Variants in CNTNAP2 observed in about 807,000 individuals in gnomAD.
CNTNAP2 encodes the protein contactin-associated protein-like 2.
CNTNAP2 carries 98 observed loss-of-function variants against 155.2 expected under a neutral mutation model. That is an observed-to-expected ratio of 0.63 (90% CI 0.54 to 0.75). The LOEUF (loss-of-function observed/expected upper bound fraction) is 0.75. CNTNAP2 is among the 30% of genes least tolerant of loss of function. The pLI, the probability that CNTNAP2 is intolerant of heterozygous loss-of-function variation, is 0.00. For synonymous variants in CNTNAP2, 651 were observed against 631.2 expected, an observed-to-expected ratio of 1.03 and a Z score of -0.47; for missense variants, 1,727 against 1,688.1, an observed-to-expected ratio of 1.02 and a Z score of -0.40.
intron 15 of CNTNAP2, among the ~76,000 whole-genome samples, chr7:148,066,418 G>A (rs1803263808): frequency 6.6e-6 from 1 of 152,140 alleles, no homozygotes; most frequent in Admixed American, 6.6e-5. Flanking sequence ...GGGAACACCA[G>A]TTATTCTTAG....
chr7:147,713,810 T>C (rs1796439659), intron 13 of CNTNAP2, among the ~76,000 whole-genome samples: 1 of 152,134 alleles, frequency 6.6e-6, no homozygotes. Context: ...AATAGGTGTA[T>C]AGTGGTATCA....
chr7:147,283,045 C>T (rs1805079963), intron 8 of CNTNAP2, among the ~76,000 whole-genome samples: 1 of 151,892 alleles, frequency 6.6e-6, no homozygotes, highest in Non-Finnish European at 1.5e-5. Context: ...TTATACACTG[C>T]AGTTCACATG....
intron 1 of CNTNAP2, among the ~76,000 whole-genome samples, chr7:146,772,038 G>A (rs35902767): frequency 0.055 from 8,371 of 152,102 alleles, 329 homozygotes; most frequent in Non-Finnish European, 0.077. Flanking sequence ...TCCTACAAAT[G>A]TTTTTAGAGT....
chr7:147,418,257 A>G (rs1027324834), intron 10 of CNTNAP2, among the ~76,000 whole-genome samples: 5 of 152,220 alleles, frequency 3.3e-5, no homozygotes, highest in Non-Finnish European at 5.9e-5. Context: ...CATAAAGGAA[A>G]TGAAAGCACA....
chr7:146,206,676 T>G (rs1387927741), intron 1 of CNTNAP2, among the ~76,000 whole-genome samples: 1 of 151,942 alleles, frequency 6.6e-6, no homozygotes, highest in Non-Finnish European at 1.5e-5. Flanking sequence ...ACTGCAAGGT[T>G]AAAATGATGA....
chr7:147,690,152 C>T (rs140494864), intron 13 of CNTNAP2, among the ~76,000 whole-genome samples: 2,507 of 152,222 alleles, frequency 0.016, 222 homozygotes, highest in Admixed American at 0.15. Context: ...ATGGCCCACA[C>T]TTTTCTCTGT....
At chr7:146,153,949 T>G (rs893728566) in intron 1 of CNTNAP2, among the ~76,000 whole-genome samples, 22 of 152,326 alleles carry the variant, frequency 1.4e-4, no homozygotes, top group Non-Finnish European at 2.9e-4. Context: ...TCATTCCACC[T>G]TTTTGTTTTG....
At chr7:147,764,300 C>T (rs115348555) in intron 13 of CNTNAP2, among the ~76,000 whole-genome samples, 57 of 152,198 alleles carry the variant, frequency 3.7e-4, no homozygotes, top group African/African-American at 1.3e-3. Context: ...TATTCTATTA[C>T]TCCAACTAAA....
chr7:147,153,333 T>C (rs890798231), intron 8 of CNTNAP2, among the ~76,000 whole-genome samples: 8 of 152,066 alleles, frequency 5.3e-5, no homozygotes, highest in African/African-American at 1.4e-4. Context: ...AAATAAAGTA[T>C]ATAGAAATGA....
chr7:147,135,807 C>T (rs1801466331), intron 8 of CNTNAP2, among the ~76,000 whole-genome samples: 1 of 149,930 alleles, frequency 6.7e-6, no homozygotes, highest in Non-Finnish European at 1.5e-5. Context: ...CCATAACCCA[C>T]TATAATAATT....
intron 11 of CNTNAP2, among the ~76,000 whole-genome samples, chr7:147,539,191 A>G (rs1031437187): frequency 2.6e-5 from 4 of 152,146 alleles, no homozygotes; most frequent in Non-Finnish European, 5.9e-5. Flanking sequence ...AGTATTCTCC[A>G]TATCTCTTTC....
intron 1 of CNTNAP2, among the ~76,000 whole-genome samples, chr7:146,769,225 T>C (rs1375330548): frequency 6.6e-6 from 1 of 152,228 alleles, no homozygotes; most frequent in Non-Finnish European, 1.5e-5. Flanking sequence ...TTGGAAGACA[T>C]CCCAGTATGG....
chr7:147,400,252 T>C (rs1796890404), intron 10 of CNTNAP2, among the ~76,000 whole-genome samples: 1 of 151,122 alleles, frequency 6.6e-6, no homozygotes, highest in Non-Finnish European at 1.5e-5. Context: ...GGAGAGGGGG[T>C]GCTTGGGGAG....
intron 9 of CNTNAP2, among the ~76,000 whole-genome samples, chr7:147,341,841 C>T (rs1795770287): frequency 6.6e-6 from 1 of 151,690 alleles, no homozygotes; most frequent in African/African-American, 2.4e-5. Context: ...ACCATTTATT[C>T]ATCTTAAAAG....
chr7:147,799,784 G>A (rs1797956394), intron 13 of CNTNAP2, among the ~76,000 whole-genome samples: 1 of 152,200 alleles, frequency 6.6e-6, no homozygotes, highest in African/African-American at 2.4e-5. Context: ...TCTAGAGTGA[G>A]ACACATTGCT....
chr7:146,444,080 T>G (rs10274361), intron 1 of CNTNAP2, among the ~76,000 whole-genome samples: 2 of 152,196 alleles, frequency 1.3e-5, no homozygotes, highest in African/African-American at 2.4e-5. Context: ...TTGCCCAGGT[T>G]GTAGTGCAGT....
chr7:148,248,124 C>T (rs2116811154), intron 20 of CNTNAP2, among the ~76,000 whole-genome samples: 1 of 152,216 alleles, frequency 6.6e-6, no homozygotes, highest in South Asian at 2.1e-4. Context: ...GCCCCTTTCC[C>T]ACCCACCATT....
intron 1 of CNTNAP2, among the ~76,000 whole-genome samples, chr7:146,335,672 C>A (rs995033993): frequency 6.6e-6 from 1 of 152,110 alleles, no homozygotes; most frequent in Non-Finnish European, 1.5e-5. Flanking sequence ...AAAAGTCTCC[C>A]TTTTAATATG....
intron 11 of CNTNAP2, among the ~76,000 whole-genome samples, chr7:147,490,286 C>A (rs1419465150): frequency 6.6e-6 from 1 of 152,158 alleles, no homozygotes; most frequent in Admixed American, 6.6e-5. Flanking sequence ...CAGGTCCTGA[C>A]ATTGCCAAAT....
Sources: allele counts gnomAD v4.1 joint callset (sites outside exome capture counted in the v4.1 genomes callset), GRCh38; gene constraint gnomAD v4.1.1; transcripts MANE v1.5; gene names NCBI Gene and HGNC (gene_info 2026-07-23, HGNC 2026-07-21).